The following MYT1 variants were observed in gnomAD, a reference collection of about 807,000 sequenced individuals.
The protein encoded by MYT1 is myelin transcription factor I.
In MYT1, 23 loss-of-function variants were observed where a neutral mutation model predicts 123.0. The observed-to-expected ratio is 0.19, with a 90% CI of 0.13 to 0.26. The LOEUF (loss-of-function observed/expected upper bound fraction) is 0.26. MYT1 is among the 10% of genes least tolerant of loss of function. MYT1 has a pLI of 1.00. For synonymous variants in MYT1, 518 were observed against 575.3 expected, an observed-to-expected ratio of 0.90 and a Z score of 1.43; for missense variants, 1,125 against 1,472.5, an observed-to-expected ratio of 0.76 and a Z score of 3.86.
Position 64,192,734 on chromosome 20 carries a change from C to T in MYT1, c.-1+2574C>T, listed in dbSNP as rs1983002910. Among the ~76,000 whole-genome samples the T allele has an allele frequency of 1.3e-5, 2 of 152,224 alleles. No individual in the cohort carries two copies. The highest frequency in any genetic ancestry group is 2.9e-5 in the Non-Finnish European group (2 of 68,038). ...TCAAGGAAAAGATCAGTTGCATGGC[C>T]ATTCAGCCAACCCTTCTTCCTGCCA... On this transcript the variant is annotated intron_variant, in intron 2 of 22. Transcript: ENST00000328439. The surrounding 1 kb of genome is among the most constrained non-coding windows in gnomAD (Gnocchi z 5.3).
In MYT1 at chr20:64,198,877, G is replaced by A; in HGVS notation, c.16G>A (p.Glu6Lys). 2.5e-6 allele frequency: 4 copies of A among 1,614,172 alleles called. No homozygotes were observed. Among genetic ancestry groups the A allele is most frequent in the Non-Finnish European group, 3.4e-6 (4 of 1,180,018 alleles). MSLEN[E>K]DKRARTRSKA... ...TTGCTTGCAGATGAGCTTAGAAAAT[G>A]AAGACAAGCGAGCTCGCACCCGATC... is the stretch of plus-strand genomic sequence containing the variant. The change falls in exon 3 of 23, where the codon GAA becomes AAA. Residue 6 changes from glutamate (E) to lysine (K), a missense_variant. Glu to Lys is a moderately conservative substitution (Grantham distance 56, BLOSUM62 1). Around this residue, in one of 4 missense-constraint regions of MYT1, gnomAD observed 406 missense variants for 432.2 expected, o/e 0.94. Coordinates refer to ENST00000328439, the MANE Select transcript of MYT1 (RefSeq NM_004535.3).
Position 64,212,058 on chromosome 20 carries a change from G to A in MYT1, c.1437G>A (p.Met479Ile), listed in dbSNP as rs764546236. 8 of 1,613,890 alleles carry A rather than the reference G, an allele frequency of 5.0e-6. No individual in the cohort carries two copies. Among genetic ancestry groups the A allele is most frequent in the Non-Finnish European group, 6.8e-6 (8 of 1,179,888 alleles). ...CCTGTTCTCTTACAGTCTTAGCCAT[G>A]CATGAGAACGTGCTGAAGTGCCCCA... ...KDRIPPEILAMHENVLKCPTP... is the reference protein window; with the variant it reads ...KDRIPPEILAIHENVLKCPTP... Residue 479 changes from methionine to isoleucine, a missense_variant, in exon 9 of 23, where the codon ATG becomes ATA. Met to Ile is a conservative substitution (Grantham distance 10). Transcript: ENST00000328439. This position sits in a 1 kb window ranked among gnomAD's most constrained non-coding sequence, Gnocchi z 6.8.
intron 6 of MYT1, among the ~76,000 whole-genome samples, chr20:64,206,324 T>G (rs1419812090): frequency 6.6e-6 from 1 of 152,100 alleles, no homozygotes; most frequent in African/African-American, 2.4e-5. Context: ...GAAGACGGGG[T>G]GCCCGGGGAG....
chr20:64,198,404 C>A (rs569287626), intron 2 of MYT1, among the ~76,000 whole-genome samples: 1 of 152,142 alleles, frequency 6.6e-6, no homozygotes, highest in East Asian at 1.9e-4. Context: ...CCCAGCACTG[C>A]CGCTGGTGGC....
At chr20:64,230,027 A>G (rs1444637003) in intron 18 of MYT1, among the ~76,000 whole-genome samples, 1 of 152,178 alleles carries the variant, frequency 6.6e-6, no homozygotes, top group Admixed American at 6.5e-5. Context: ...TCACCAGCTC[A>G]GTGCCTGCCC....
chr20:64,165,755 C>T (rs1460734553), intron 1 of MYT1, among the ~76,000 whole-genome samples: 1 of 151,944 alleles, frequency 6.6e-6, no homozygotes, highest in East Asian at 1.9e-4. Context: ...TGGACTCTGT[C>T]ACGATGATGA....
At chr20:64,169,329 G>A (rs932923272) in intron 1 of MYT1, among the ~76,000 whole-genome samples, 2 of 152,336 alleles carry the variant, frequency 1.3e-5, no homozygotes, top group Admixed American at 6.5e-5. Context: ...GACCCGAGGC[G>A]CGTCCCCAAT....
rs779156513 is a variant in MYT1 at position 64,218,372 on chromosome 20, A to G, written c.1847-539A>G. Among the ~76,000 whole-genome samples, 1 of 152,214 alleles carries G rather than the reference A, an allele frequency of 6.6e-6. No individual in the cohort carries two copies. Among genetic ancestry groups the G allele is most frequent in the African/African-American group, 2.4e-5 (1 of 41,456 alleles). On this transcript the variant is annotated intron_variant, in intron 11 of 22. Coordinates refer to ENST00000328439, the MANE Select transcript of MYT1 (RefSeq NM_004535.3). The surrounding 1 kb of genome is among the most constrained non-coding windows in gnomAD (Gnocchi z 4.0). Reference sequence around the variant, plus strand: ...TTCATTTGTCATGTTCATTTGAGCAATAATGTTACTTTTTTAAGGCAGTGA... The same window carrying G: ...TTCATTTGTCATGTTCATTTGAGCAGTAATGTTACTTTTTTAAGGCAGTGA...
chr20:64,187,395 C>T (rs975026089), intron 1 of MYT1, among the ~76,000 whole-genome samples: 7 of 148,300 alleles, frequency 4.7e-5, no homozygotes, highest in African/African-American at 1.5e-4. Flanking sequence ...TCCTGTGGCA[C>T]GTGGCCCCGG....
In MYT1 at chr20:64,211,360, G is replaced by A. The variant is rs766473424; in HGVS notation, c.1426+20G>A. On this transcript the variant is annotated intron_variant, in intron 8 of 22. Transcript: ENST00000328439. ...CAGAGAGTGAGTAGCTCTGTGCAGC[G>A]TTAGCCCTAACTGTGAAGCTCACGC... is the stretch of plus-strand genomic sequence containing the variant. 54 of 1,600,122 alleles carry A rather than the reference G, an allele frequency of 3.4e-5. No individual in the cohort carries two copies. The highest frequency in any genetic ancestry group is 5.4e-5 in the African/African-American group (4 of 74,734).
intron 6 of MYT1, among the ~76,000 whole-genome samples, chr20:64,206,336 C>A (rs1258987487): frequency 1.3e-5 from 2 of 152,120 alleles, no homozygotes; most frequent in Non-Finnish European, 2.9e-5. Flanking sequence ...CCCGGGGAGG[C>A]CAAGAGGGGA....
intron 19 of MYT1, among the ~76,000 whole-genome samples, chr20:64,234,496 T>A (rs1419155137): frequency 6.6e-6 from 1 of 152,208 alleles, no homozygotes; most frequent in Non-Finnish European, 1.5e-5. Flanking sequence ...TGTAGCTTCT[T>A]TTTCCCCATA....
rs922508503 is a variant in MYT1, at chr20:64,167,949, G to C, written c.-99+3210G>C. ...AGAAGGGAAGAGAGCAGTGGCTGCC[G>C]TGCTGCTCCCCCGTGGGCTTCCTGC... On this transcript the variant is annotated intron_variant, in intron 1 of 22. Transcript: ENST00000328439. This position sits in a 1 kb window ranked among gnomAD's most constrained non-coding sequence, Gnocchi z 6.3. Among the ~76,000 whole-genome samples, 1 of 152,214 alleles carries C rather than the reference G, an allele frequency of 6.6e-6. No homozygotes were observed. The highest frequency in any genetic ancestry group is 1.9e-4 in the East Asian group (1 of 5,196).
At chr20:64,198,326 A>AGTGG (rs2145708905) in intron 2 of MYT1, among the ~76,000 whole-genome samples, 1 of 133,818 alleles carries the variant, frequency 7.5e-6, no homozygotes, top group Admixed American at 7.4e-5. Flanking sequence ...CTTCTGCTGT[A>AGTGG]GTGGGAAGAA....
At chr20:64,219,352 A>G (rs1472221728) in intron 12 of MYT1, among the ~76,000 whole-genome samples, 1 of 152,160 alleles carries the variant, frequency 6.6e-6, no homozygotes, top group African/African-American at 2.4e-5. Context: ...ACACATGCCC[A>G]TGTGTTTCCT....
chr20:64,215,129 C>T (rs1316782783), intron 10 of MYT1, among the ~76,000 whole-genome samples: 1 of 152,204 alleles, frequency 6.6e-6, no homozygotes, highest in Non-Finnish European at 1.5e-5. Flanking sequence ...TTCCCTCCAG[C>T]TTCCTGTCAG....
intron 1 of MYT1, among the ~76,000 whole-genome samples, chr20:64,181,394 T>C (rs1222210372): frequency 6.6e-6 from 1 of 152,246 alleles, no homozygotes; most frequent in Non-Finnish European, 1.5e-5. Context: ...CCGTCTCTGC[T>C]ATCTCTTCGT....
chr20:64,203,824 G>A lies in MYT1; in HGVS notation c.87-1211G>A, dbSNP rs1983397335. On this transcript the variant is annotated intron_variant, in intron 4 of 22. Coordinates refer to ENST00000328439, the MANE Select transcript of MYT1 (RefSeq NM_004535.3). The surrounding 1 kb of genome is among the most constrained non-coding windows in gnomAD (Gnocchi z 5.1). The stretch of plus-strand genomic sequence containing the variant: ...CAGAGGTGTCTGGATAGAGACTGGG[G>A]ATGGCGTTCTTTTCCCCGGGTCCCA... Among the ~76,000 whole-genome samples the A allele has an allele frequency of 6.6e-6, 1 of 152,266 alleles. No homozygotes were observed. Among genetic ancestry groups the A allele is most frequent in the South Asian group, 2.1e-4 (1 of 4,834 alleles).
chr20:64,228,046 C>A, intron 18 of MYT1, 75 bp downstream of exon 18: 1 of 1,389,568 alleles, frequency 7.2e-7, no homozygotes, highest in Middle Eastern at 1.8e-4. Flanking sequence ...TGTAAAAAAA[C>A]TCCTACTAGA....
Sources: allele counts gnomAD v4.1 joint callset (sites outside exome capture counted in the v4.1 genomes callset), GRCh38; gene constraint gnomAD v4.1.1; regional missense constraint gnomAD v4.1.1; non-coding constraint Gnocchi (gnomAD v3.1); transcripts MANE v1.5; gene names NCBI Gene and HGNC (gene_info 2026-07-23, HGNC 2026-07-21).